The following CTNND2 variants were observed in gnomAD, a reference collection of about 807,000 sequenced individuals.
CTNND2 encodes catenin delta 2.
Under a neutral mutation model 144.4 loss-of-function variants are expected in CTNND2, and 22 were observed. The observed-to-expected ratio is 0.15, with a 90% CI of 0.11 to 0.22. The LOEUF is 0.22. CTNND2 is among the 10% of genes least tolerant of loss of function. CTNND2 has a pLI of 1.00. For synonymous variants in CTNND2, 751 were observed against 695.6 expected (o/e 1.08, Z -1.25); for missense variants, 1,353 against 1,618.8 (o/e 0.84, Z 2.82).
intron 3 of CTNND2, among the ~76,000 whole-genome samples, chr5:11,527,330 C>A (rs1186085303): frequency 1.3e-5 from 2 of 152,140 alleles, no homozygotes; most frequent in Admixed American, 1.3e-4. Flanking sequence ...TGGCTTAGAA[C>A]TCAGGCAGGC....
At chr5:11,533,354 A>C (rs574247307) in intron 3 of CTNND2, among the ~76,000 whole-genome samples, 2 of 152,198 alleles carry the variant, frequency 1.3e-5, no homozygotes, top group Non-Finnish European at 2.9e-5. Flanking sequence ...TGAAGTGCTA[A>C]GGGGACATCA....
chr5:11,044,021 G>A (rs1744959703), intron 16 of CTNND2, among the ~76,000 whole-genome samples: 1 of 152,240 alleles, frequency 6.6e-6, no homozygotes, highest in Non-Finnish European at 1.5e-5. Context: ...ACACTTGGCT[G>A]AGAGTAACTG....
At chr5:11,104,301 T>G (rs1185150409) in intron 14 of CTNND2, among the ~76,000 whole-genome samples, 1 of 152,222 alleles carries the variant, frequency 6.6e-6, no homozygotes, top group South Asian at 2.1e-4. Flanking sequence ...GATCCCACTC[T>G]TTCCTCTCAG....
chr5:11,454,988 C>G (rs528745291), intron 3 of CTNND2, among the ~76,000 whole-genome samples: 1 of 150,450 alleles, frequency 6.6e-6, no homozygotes, highest in East Asian at 1.9e-4. Context: ...AAATGGAATG[C>G]TGGCAAATAA....
intron 3 of CTNND2, among the ~76,000 whole-genome samples, chr5:11,430,363 AT>A (rs1329742230): frequency 1.3e-5 from 2 of 151,098 alleles, no homozygotes; most frequent in East Asian, 3.9e-4. Context: ...CAAAAAAAAA[AT>A]AATTCTTCCA....
intron 12 of CTNND2, among the ~76,000 whole-genome samples, chr5:11,132,296 G>A (rs6875166): frequency 0.077 from 11,685 of 152,140 alleles, 1,441 homozygotes; most frequent in African/African-American, 0.26. Context: ...GCGGGTATCC[G>A]GCCCTCTCTG....
intron 3 of CTNND2, among the ~76,000 whole-genome samples, chr5:11,480,889 T>A (rs1290834877): frequency 6.6e-6 from 1 of 151,726 alleles, no homozygotes; most frequent in Non-Finnish European, 1.5e-5. Flanking sequence ...GGAAAATGAG[T>A]GTAGAGGGTA....
chr5:11,763,290 A>G (rs1225341384), intron 1 of CTNND2, among the ~76,000 whole-genome samples: 1 of 152,194 alleles, frequency 6.6e-6, no homozygotes, highest in East Asian at 1.9e-4. Flanking sequence ...GCAGTGTGAG[A>G]AAGAACTAAT....
intron 2 of CTNND2, among the ~76,000 whole-genome samples, chr5:11,662,233 GTATATATATACATATATGTGTGTATATA>G (rs1561669429): frequency 3.1e-5 from 4 of 130,220 alleles, no homozygotes; most frequent in African/African-American, 1.3e-4. Flanking sequence ...GTGTATATAT[GTATATATATACATATATGTGTGTATATA>G]TGTGTGTGTG....
At chr5:11,618,008 T>C (rs948485683) in intron 2 of CTNND2, among the ~76,000 whole-genome samples, 2 of 151,494 alleles carry the variant, frequency 1.3e-5, no homozygotes, top group Admixed American at 6.5e-5. Context: ...TTGGCTCCTT[T>C]ATTTTTCACG....
In CTNND2 at chr5:11,384,321, T is replaced by C. The variant is rs980182000; in HGVS notation, c.1177+344A>G. Among the ~76,000 whole-genome samples the C allele has an allele frequency of 1.3e-5, 2 of 152,238 alleles. No homozygotes were observed. Among genetic ancestry groups the C allele is most frequent in the Non-Finnish European group, 2.9e-5 (2 of 68,042 alleles). On this transcript the variant is annotated intron_variant, in intron 7 of 21. Coordinates refer to ENST00000304623, the MANE Select transcript of CTNND2 (RefSeq NM_001332.4). The surrounding 1 kb of genome is among the most constrained non-coding windows in gnomAD (Gnocchi z 5.2). ...CAACTGTTACTTGTTTTGCTTTTTT[T>C]CTGGATACCATCAACAGGTCTATGG...
intron 16 of CTNND2, among the ~76,000 whole-genome samples, chr5:11,056,250 C>T (rs1025179355): frequency 2.3e-4 from 35 of 152,206 alleles, no homozygotes; most frequent in African/African-American, 7.7e-4. Flanking sequence ...AGTCACAATA[C>T]GTAGTGATGC....
At chr5:11,099,478 T>A (rs1296692306) in intron 14 of CTNND2, among the ~76,000 whole-genome samples, 1 of 152,226 alleles carries the variant, frequency 6.6e-6, no homozygotes, top group East Asian at 1.9e-4. Flanking sequence ...CCATTAGGAA[T>A]GATACTTATG....
chr5:10,986,809 G>C (rs778666942), intron 20 of CTNND2: 12 of 365,908 alleles, frequency 3.3e-5, no homozygotes, highest in African/African-American at 6.5e-5. Context: ...GAGTTAACAC[G>C]GAAAACACTG....
intron 3 of CTNND2, among the ~76,000 whole-genome samples, chr5:11,527,314 A>G (rs939883339): frequency 6.6e-6 from 1 of 152,242 alleles, no homozygotes; most frequent in Non-Finnish European, 1.5e-5. Context: ...TACAAATGGC[A>G]GAGTGTGGCT....
intron 16 of CTNND2, among the ~76,000 whole-genome samples, chr5:11,032,113 G>A (rs1638364): frequency 0.17 from 25,690 of 152,194 alleles, 2,516 homozygotes; most frequent in Middle Eastern, 0.24. Flanking sequence ...TTCTGCCAAT[G>A]TGATTGTGTC....
chr5:11,166,717 G>A (rs143086032), intron 11 of CTNND2, among the ~76,000 whole-genome samples: 297 of 152,084 alleles, frequency 2.0e-3, no homozygotes, highest in African/African-American at 5.9e-3. Context: ...GGCCCAGGAC[G>A]CCCTGAAGTC....
At chr5:11,197,333 C>A (rs887820253) in intron 11 of CTNND2, among the ~76,000 whole-genome samples, 5 of 152,212 alleles carry the variant, frequency 3.3e-5, no homozygotes, top group African/African-American at 9.6e-5. Context: ...GAAGTAACAA[C>A]CACTGTCCAT....
intron 18 of CTNND2, among the ~76,000 whole-genome samples, chr5:11,009,359 G>T (rs1005363853): frequency 1.3e-5 from 2 of 152,186 alleles, no homozygotes; most frequent in Admixed American, 6.5e-5. Flanking sequence ...CAACCTCATT[G>T]GGAGGCATTG....
Sources: allele counts gnomAD v4.1 joint callset (sites outside exome capture counted in the v4.1 genomes callset), GRCh38; gene constraint gnomAD v4.1.1; non-coding constraint Gnocchi (gnomAD v3.1); transcripts MANE v1.5; gene names NCBI Gene and HGNC (gene_info 2026-07-23, HGNC 2026-07-21).